LRRC9: variants seen among roughly 807,000 people sequenced by gnomAD.
LRRC9 encodes the protein leucine rich repeat containing 9, also known as leucine-rich repeat-containing protein 9.
Under a neutral mutation model 63.2 loss-of-function variants are expected in LRRC9, and 122 were observed. That is an observed-to-expected ratio of 1.93 (90% CI 1.67 to 2.24). The LOEUF is 2.24. Among genes scored for constraint, LRRC9 ranks in the 30% most tolerant of loss-of-function variants. LRRC9 has a pLI of 0.00. For missense variants in LRRC9, 1,071 were observed against 627.7 expected, an observed-to-expected ratio of 1.71 and a Z score of -7.55; for synonymous variants, 366 against 213.1, an observed-to-expected ratio of 1.72 and a Z score of -6.25.
intron 17 of LRRC9, 77 bp downstream of exon 17, chr14:59,985,301 G>T: frequency 5.8e-6 from 3 of 520,504 alleles, no homozygotes; most frequent in East Asian, 5.8e-5. Context: ...CAGGGCCTAA[G>T]GGCTAGGGGA....
intron 1 of LRRC9, among the ~76,000 whole-genome samples, chr14:59,925,139 T>C (rs1253879571): frequency 6.6e-6 from 1 of 152,164 alleles, no homozygotes. Context: ...AAGAGTCCAA[T>C]GTATTAGGAT....
At chr14:60,011,024 A>G (rs1890218212) in intron 23 of LRRC9, among the ~76,000 whole-genome samples, 1 of 152,106 alleles carries the variant, frequency 6.6e-6, no homozygotes, top group Admixed American at 6.6e-5. Flanking sequence ...TCACTTCCAC[A>G]TTTTTGGGTA....
chr14:60,022,923 A>G (rs1891225655), intron 27 of LRRC9, 53 bp downstream of exon 27: 2 of 457,356 alleles, frequency 4.4e-6, no homozygotes, highest in Non-Finnish European at 7.8e-6. Context: ...AACTGATTTT[A>G]TCATCATTCT....
chr14:59,969,203 T>C (rs1026935237), intron 12 of LRRC9: 1 of 152,236 alleles, frequency 6.6e-6, no homozygotes, highest in Non-Finnish European at 1.5e-5. Context: ...CATTTGACAC[T>C]ATTGGTTGCC....
At chr14:60,047,849 A>G (rs1196825671) in intron 29 of LRRC9, among the ~76,000 whole-genome samples, 1 of 152,046 alleles carries the variant, frequency 6.6e-6, no homozygotes, top group Non-Finnish European at 1.5e-5. Context: ...ATACATTCTC[A>G]TTGCCTCATG....
chr14:59,969,646 A>G (rs1051632311), intron 12 of LRRC9, among the ~76,000 whole-genome samples: 2 of 152,222 alleles, frequency 1.3e-5, no homozygotes, highest in African/African-American at 4.8e-5. Context: ...ACTAGCAAAC[A>G]TATCTAAGGT....
At chr14:59,989,904 C>T (rs573245116) in intron 17 of LRRC9, among the ~76,000 whole-genome samples, 52 of 150,582 alleles carry the variant, frequency 3.5e-4, no homozygotes, top group Non-Finnish European at 5.6e-4. Flanking sequence ...CTATTCCAAT[C>T]CTCCACTTTA....
In LRRC9 at chr14:60,051,809, C is replaced by T. The variant is rs1236217901; in HGVS notation, c.3991-1256C>T. ...TGCTCTGTGTATCAGACCCAAAGCCCTGGAGACATGGGCTCACAAGGGGAT... is the reference window on the plus strand; with the variant it reads ...TGCTCTGTGTATCAGACCCAAAGCCTTGGAGACATGGGCTCACAAGGGGAT... On this transcript the variant is annotated intron_variant, in intron 29 of 31. Coordinates refer to ENST00000445360, the Ensembl canonical transcript of LRRC9. The surrounding 1 kb of genome is among the most constrained non-coding windows in gnomAD (Gnocchi z 4.7). Among the ~76,000 whole-genome samples, 2 of 152,174 alleles carry T rather than the reference C, an allele frequency of 1.3e-5. No homozygotes were observed. Among genetic ancestry groups the T allele is most frequent in the African/African-American group, 4.8e-5 (2 of 41,428 alleles).
chr14:60,059,301 A>G (rs1377010510), intron 31 of LRRC9, among the ~76,000 whole-genome samples: 2 of 152,122 alleles, frequency 1.3e-5, no homozygotes, highest in Non-Finnish European at 1.5e-5. Context: ...AAACTTTTTC[A>G]TTATTATTAT....
intron 29 of LRRC9, among the ~76,000 whole-genome samples, chr14:60,046,831 C>T (rs1252800325): frequency 1.3e-5 from 2 of 152,148 alleles, no homozygotes; most frequent in Non-Finnish European, 2.9e-5. Flanking sequence ...AACACTGCAT[C>T]AATAAATTAC....
chr14:60,052,961 T>C (rs923004037), intron 29 of LRRC9, 104 bp from the exon 30 acceptor site: 6 of 554,658 alleles, frequency 1.1e-5, no homozygotes, highest in Non-Finnish European at 1.3e-5. Flanking sequence ...AGTTAGCTAT[T>C]ATTTGTCCTC....
At chr14:59,982,346 CTTAG>C (rs988605671) in intron 16 of LRRC9, among the ~76,000 whole-genome samples, 1 of 152,072 alleles carries the variant, frequency 6.6e-6, no homozygotes, top group Non-Finnish European at 1.5e-5. Flanking sequence ...ACTGAAATAT[CTTAG>C]TTTGTTTTCT....
rs1402869159 is a variant in LRRC9, at chr14:59,958,669, G to A, written c.883-1149G>A. On this transcript the variant is annotated intron_variant, in intron 8 of 31. Coordinates refer to ENST00000445360, the Ensembl canonical transcript of LRRC9. The surrounding 1 kb of genome is among the most constrained non-coding windows in gnomAD (Gnocchi z 4.0). ...CGCTGGGGTTCCAGGTTACCCTGCG[G>A]TACGAAAAAATACTCCTGCAGCTAG... Among the ~76,000 whole-genome samples, 2 of 152,196 alleles carry A rather than the reference G, an allele frequency of 1.3e-5. No homozygotes were observed. Among genetic ancestry groups the A allele is most frequent in the African/African-American group, 2.4e-5 (1 of 41,450 alleles).
chr14:59,953,871 C>T (rs1883436310), intron 8 of LRRC9, among the ~76,000 whole-genome samples: 1 of 152,104 alleles, frequency 6.6e-6, no homozygotes, highest in African/African-American at 2.4e-5. Context: ...TTTCTGTTTT[C>T]TGCATATGGC....
intron 31 of LRRC9, among the ~76,000 whole-genome samples, chr14:60,061,263 T>A (rs1894641051): frequency 6.6e-6 from 1 of 152,168 alleles, no homozygotes; most frequent in African/African-American, 2.4e-5. Flanking sequence ...AAGGAAGAGT[T>A]GATCTATGCA....
intron 30 of LRRC9, 28 bp from the exon 31 acceptor site, chr14:60,057,850 T>A: frequency 1.6e-6 from 1 of 625,816 alleles, no homozygotes. Context: ...AGATGAGATG[T>A]TATTAACTGT....
intron 29 of LRRC9, among the ~76,000 whole-genome samples, chr14:60,044,638 G>A (rs1468836188): frequency 6.6e-6 from 1 of 152,028 alleles, no homozygotes; most frequent in African/African-American, 2.4e-5. Flanking sequence ...TTATTCCATT[G>A]TGATCCAAGA....
chr14:59,950,656 T>C (rs1394201782), intron 8 of LRRC9, among the ~76,000 whole-genome samples: 1 of 136,618 alleles, frequency 7.3e-6, no homozygotes, highest in Non-Finnish European at 1.6e-5. Flanking sequence ...TTTCCATGTT[T>C]AGCGCTTCCT....
chr14:60,045,761 A>G (rs968063245), intron 29 of LRRC9, among the ~76,000 whole-genome samples: 1 of 152,184 alleles, frequency 6.6e-6, no homozygotes, highest in Non-Finnish European at 1.5e-5. Flanking sequence ...TTCTAATAGA[A>G]TGATTTATAT....
Sources: allele counts gnomAD v4.1 joint callset (sites outside exome capture counted in the v4.1 genomes callset), GRCh38; gene constraint gnomAD v4.1.1; non-coding constraint Gnocchi (gnomAD v3.1); transcripts MANE v1.5; gene names NCBI Gene and HGNC (gene_info 2026-07-23, HGNC 2026-07-21).